Variants in BTBD9 observed in about 807,000 individuals in gnomAD.
The protein encoded by BTBD9 is BTB/POZ domain-containing protein 9.
BTBD9 carries 49 observed loss-of-function variants against 64.3 expected under a neutral mutation model. The observed-to-expected ratio is 0.76, with a 90% CI of 0.61 to 0.97. BTBD9 has a LOEUF of 0.97. BTBD9 is among the 50% of genes least tolerant of loss of function. The pLI is 0.00. For missense variants in BTBD9, 598 were observed against 762.1 expected (o/e 0.78, Z 2.53); for synonymous variants, 260 against 274.7 (o/e 0.95, Z 0.53).
chr6:38,435,261 C>T (rs1310311904), intron 6 of BTBD9, among the ~76,000 whole-genome samples: 1 of 151,546 alleles, frequency 6.6e-6, no homozygotes, highest in South Asian at 2.1e-4. Context: ...CTAATGCAGG[C>T]TACTGTATCA....
intron 2 of BTBD9, among the ~76,000 whole-genome samples, chr6:38,595,007 T>TA (rs1399998002): frequency 2.0e-5 from 3 of 152,150 alleles, no homozygotes; most frequent in African/African-American, 2.4e-5. Context: ...GCAACATGGT[T>TA]AAAAAAACTG....
chr6:38,252,386 T>G (rs1317211362), intron 9 of BTBD9, among the ~76,000 whole-genome samples: 1 of 152,246 alleles, frequency 6.6e-6, no homozygotes, highest in South Asian at 2.1e-4. Context: ...CTTTTGCCTT[T>G]TATCATTTAC....
intron 6 of BTBD9, among the ~76,000 whole-genome samples, chr6:38,376,893 T>C (rs1243733139): frequency 6.6e-6 from 1 of 152,212 alleles, no homozygotes; most frequent in Admixed American, 6.5e-5. Context: ...CATTTGAATA[T>C]ACTATGCCAT....
intron 9 of BTBD9, among the ~76,000 whole-genome samples, chr6:38,206,581 G>A (rs559862299): frequency 2.6e-5 from 4 of 151,782 alleles, no homozygotes; most frequent in South Asian, 4.2e-4. Flanking sequence ...AAAAAAAAAA[G>A]GTGATCATAG....
At chr6:38,334,199 G>T (rs986701827) in intron 7 of BTBD9, among the ~76,000 whole-genome samples, 6 of 152,204 alleles carry the variant, frequency 3.9e-5, no homozygotes. Context: ...ATGCATTCAA[G>T]ATATGTCCTG....
intron 6 of BTBD9, among the ~76,000 whole-genome samples, chr6:38,562,578 C>A (rs189951188): frequency 1.3e-5 from 2 of 152,294 alleles, no homozygotes; most frequent in African/African-American, 2.4e-5. Context: ...TCCTTCCACA[C>A]CATTCTCTAT....
chr6:38,276,062 C>G (rs574018413), intron 8 of BTBD9, among the ~76,000 whole-genome samples: 1 of 152,176 alleles, frequency 6.6e-6, no homozygotes, highest in Admixed American at 6.5e-5. Flanking sequence ...ATGTTTATTG[C>G]GGCACTATTC....
intron 8 of BTBD9, among the ~76,000 whole-genome samples, chr6:38,282,256 C>T (rs1761540155): frequency 6.6e-6 from 1 of 152,150 alleles, no homozygotes; most frequent in East Asian, 1.9e-4. Context: ...ACTTTTAAGG[C>T]ACATTTCAGG....
chr6:38,411,239 A>G (rs1286869503), intron 6 of BTBD9, among the ~76,000 whole-genome samples: 1 of 152,220 alleles, frequency 6.6e-6, no homozygotes, highest in Non-Finnish European at 1.5e-5. Flanking sequence ...CTAATTTAGA[A>G]GAGCAATCAT....
chr6:38,547,358 A>G (rs1262825674), intron 6 of BTBD9, among the ~76,000 whole-genome samples: 1 of 152,146 alleles, frequency 6.6e-6, no homozygotes, highest in Non-Finnish European at 1.5e-5. Flanking sequence ...TAAGCCTGGG[A>G]GGTCGAGGCT....
intron 8 of BTBD9, among the ~76,000 whole-genome samples, chr6:38,269,597 C>CT (rs543135133): frequency 8.1e-4 from 119 of 146,742 alleles, no homozygotes; most frequent in African/African-American, 1.6e-3. Flanking sequence ...TGGGCAGTTG[C>CT]TTTTTTTTTT....
chr6:38,225,738 G>C (rs530240436), intron 9 of BTBD9, among the ~76,000 whole-genome samples: 3 of 151,968 alleles, frequency 2.0e-5, no homozygotes, highest in Non-Finnish European at 4.4e-5. Context: ...AAGGGCAGGG[G>C]TACGAGGGAC....
intron 6 of BTBD9, among the ~76,000 whole-genome samples, chr6:38,575,353 C>T (rs573818300): frequency 6.6e-6 from 1 of 152,266 alleles, no homozygotes; most frequent in East Asian, 1.9e-4. Context: ...ATCCATACTG[C>T]CTGCCTCCAA....
intron 6 of BTBD9, among the ~76,000 whole-genome samples, chr6:38,371,629 C>T (rs1273709832): frequency 2.0e-5 from 3 of 152,164 alleles, no homozygotes; most frequent in African/African-American, 7.2e-5. Flanking sequence ...CTGTGTTTTC[C>T]TAAAGCAATA....
chr6:38,629,878 G>C (rs535067704), intron 1 of BTBD9, among the ~76,000 whole-genome samples: 1 of 151,926 alleles, frequency 6.6e-6, no homozygotes, highest in East Asian at 1.9e-4. Context: ...TATAATGTCA[G>C]TGTTATAAAG....
chr6:38,269,852 A>C (rs1765140972), intron 8 of BTBD9, among the ~76,000 whole-genome samples: 1 of 152,208 alleles, frequency 6.6e-6, no homozygotes, highest in Non-Finnish European at 1.5e-5. Context: ...TAACCCTCCC[A>C]GGTGCCGACA....
intron 9 of BTBD9, among the ~76,000 whole-genome samples, chr6:38,212,644 G>T (rs1211494961): frequency 1.3e-5 from 2 of 152,202 alleles, no homozygotes; most frequent in African/African-American, 2.4e-5. Flanking sequence ...CTGGAGGCTG[G>T]TGAGGGGAGG....
chr6:38,494,911 G>C (rs561792553), intron 6 of BTBD9, among the ~76,000 whole-genome samples: 23 of 152,184 alleles, frequency 1.5e-4, no homozygotes, highest in Admixed American at 1.5e-3. Context: ...TAATATTCTT[G>C]GTCTGCCAAA....
chr6:38,271,594 G>A (rs544777746), intron 8 of BTBD9, among the ~76,000 whole-genome samples: 13 of 152,102 alleles, frequency 8.5e-5, no homozygotes, highest in South Asian at 8.4e-4. Flanking sequence ...CAGCAGGGTC[G>A]AATAGTTGCA....
Sources: gnomAD v4.1 joint callset for allele counts (sites outside exome capture counted in the v4.1 genomes callset) on GRCh38, gnomAD v4.1.1 for gene constraint, MANE v1.5 for transcripts, NCBI Gene and HGNC (gene_info 2026-07-23, HGNC 2026-07-21) for gene names.